Variants in TMEM14B observed in about 807,000 individuals in gnomAD.
TMEM14B encodes transmembrane protein 14B.
In TMEM14B, 9 loss-of-function variants were observed where a neutral mutation model predicts 14.8. The ratio of observed to expected loss-of-function variants is 0.61; its 90% CI spans 0.37 to 1.06. The LOEUF (loss-of-function observed/expected upper bound fraction) is 1.06, where lower values mean the gene tolerates loss of function less well. Ranked by LOEUF, TMEM14B falls within the 50% of genes least tolerant of loss-of-function variation. The probability of loss-of-function intolerance (pLI) is 0.01; values close to 1 mark genes in which losing one functional copy is unlikely to be tolerated. For missense variants in TMEM14B, 128 were observed against 143.6 expected, an observed-to-expected ratio of 0.89 and a Z score of 0.56; for synonymous variants, 40 against 51.3, an observed-to-expected ratio of 0.78 and a Z score of 0.94.
At position 10,755,199 on chromosome 6, in the gene TMEM14B, A is replaced by G. The variant is rs759803413; in HGVS notation, c.260A>G (p.Lys87Arg). ...VMGMRSYYYG[K>R]FMPVGLIAGA... is the part of the protein sequence containing the mutation. ...GGAATGAGATCCTACTACTATGGAA[A>G]ATTCATGCCTGTAGGTTTAATTGCA... Residue 87 changes from lysine to arginine, a missense_variant, in exon 5 of 6, where the codon AAA becomes AGA. Transcript: ENST00000379542. The G allele has an allele frequency of 1.2e-6, 2 of 1,614,200 alleles. No individual in the cohort carries two copies. The highest frequency in any genetic ancestry group is 1.1e-5 in the South Asian group (1 of 91,080).
intron 3 of TMEM14B, among the ~76,000 whole-genome samples, chr6:10,750,633 C>T (rs1771513488): frequency 6.6e-6 from 1 of 151,950 alleles, no homozygotes; most frequent in Non-Finnish European, 1.5e-5. Flanking sequence ...GCCACAGTAT[C>T]TTATCAGTTA....
In TMEM14B at chr6:10,756,843, C is replaced by T; in HGVS notation, c.*325C>T. ...ATTGAGAACCCTGAAACCCCATTCC[C>T]TGCTCAGAGGAACAGTGTGAAAAAA... is the stretch of plus-strand genomic sequence containing the variant. On this transcript the variant is annotated 3_prime_UTR_variant, in exon 6 of 6. Coordinates refer to ENST00000379542, the MANE Select transcript of TMEM14B (RefSeq NM_030969.5). The T allele has an allele frequency of 3.0e-6, 3 of 1,008,106 alleles. No individual in the cohort carries two copies. Among genetic ancestry groups the T allele is most frequent in the Middle Eastern group, 4.9e-4 (1 of 2,022 alleles). 62.4% of individuals were successfully genotyped at this position (1,008,106 alleles called of 1,614,324 possible).
At chr6:10,758,746 T>C (rs78697343), downstream of TMEM14B, among the ~76,000 whole-genome samples, 4,513 of 152,188 alleles carry the variant, frequency 0.03, 235 homozygotes, top group African/African-American at 0.1. Context: ...GTCTTGTCAG[T>C]TGATGCATGA....
chr6:10,752,145 C>T (rs1416463723), intron 4 of TMEM14B, among the ~76,000 whole-genome samples: 1 of 152,018 alleles, frequency 6.6e-6, no homozygotes, highest in African/African-American at 2.4e-5. Context: ...TCCAGAATGA[C>T]TTGAGCCTGC....
downstream of TMEM14B, among the ~76,000 whole-genome samples, chr6:10,758,647 A>G (rs532343285): frequency 2.0e-5 from 3 of 151,872 alleles, no homozygotes; most frequent in East Asian, 6.0e-4. Context: ...AGGTAGATCC[A>G]TATTACTGTG....
downstream of TMEM14B, chr6:10,759,675 G>A (rs1324227461): frequency 6.6e-6 from 1 of 152,148 alleles, no homozygotes; most frequent in Non-Finnish European, 1.5e-5. Context: ...GGCCATCTGT[G>A]TCCCAGCTGT....
rs762859199 is a variant in TMEM14B at position 10,751,251 on chromosome 6, G to A, written c.202+17G>A. 161 of 1,612,942 alleles carry A rather than the reference G, an allele frequency of 1.0e-4. No individual in the cohort carries two copies. Among genetic ancestry groups the A allele is most frequent in the Admixed American group, 1.0e-4 (6 of 59,936 alleles). On this transcript the variant is annotated intron_variant, in intron 4 of 5. Transcript: ENST00000379542. ...GTTTCCTAGGTATGTCTGCTTCAGC[G>A]TCTCCTTAGGGCAATCATGTATCTG... is the stretch of plus-strand genomic sequence containing the variant.
chr6:10,751,219 G>A lies in TMEM14B; in HGVS notation c.187G>A (p.Val63Ile), dbSNP rs151307186. 7.8e-5 allele frequency: 126 copies of A among 1,613,884 alleles called. No homozygotes were observed. The African/African-American group carries it at 1.3e-3, about 17-fold the overall frequency. The stretch of plus-strand genomic sequence containing the variant: ...CCAGCTGTATCAGGATCCAAGGAAC[G>A]TTTGGGGTTTCCTAGGTATGTCTGC... ...AYQLYQDPRN[V>I]WGFLAATSVT... is the part of the protein sequence containing the mutation. The change falls in exon 4 of 6, where the codon GTT (valine) becomes ATT (isoleucine). Residue 63 changes from valine (V) to isoleucine (I), a missense_variant. Val to Ile is a conservative substitution (Grantham distance 29, BLOSUM62 3). Coordinates refer to ENST00000379542, the MANE Select transcript of TMEM14B (RefSeq NM_030969.5).
intron 5 of TMEM14B, chr6:10,755,579 A>C: frequency 7.9e-7 from 1 of 1,261,006 alleles, no homozygotes; most frequent in African/African-American, 1.5e-5. Flanking sequence ...TTTTGTAGAA[A>C]ATTTTGCTAA....
chr6:10,756,675 T>C lies in TMEM14B; in HGVS notation c.*157T>C. ...ATTTGGCGGAGGGGTGGAAAATCAG[T>C]TGTTACCATTATAACCCTACAGAGG... is the stretch of plus-strand genomic sequence containing the variant. On this transcript the variant is annotated 3_prime_UTR_variant, in exon 6 of 6. Coordinates refer to ENST00000379542, the MANE Select transcript of TMEM14B (RefSeq NM_030969.5). 1.4e-6 allele frequency: 2 copies of C among 1,398,528 alleles called. No individual in the cohort carries two copies. Among genetic ancestry groups the C allele is most frequent in the Non-Finnish European group, 1.9e-6 (2 of 1,077,544 alleles). The allele number at this position is 1,398,528 out of a possible 1,614,324, so 86.6% of individuals were successfully genotyped here. A position where few individuals can be genotyped will look rare whatever the true frequency, so the allele number is the denominator to read the frequency against.
At chr6:10,754,280 A>G (rs1207402848) in intron 4 of TMEM14B, among the ~76,000 whole-genome samples, 1 of 152,196 alleles carries the variant, frequency 6.6e-6, no homozygotes, top group Non-Finnish European at 1.5e-5. Context: ...ATCCTTTAAT[A>G]GCTTCTCATT....
intron 4 of TMEM14B, 106 bp downstream of exon 4, chr6:10,751,340 C>T (rs980294264): frequency 1.6e-5 from 21 of 1,291,492 alleles, no homozygotes; most frequent in East Asian, 7.1e-5. Context: ...ACTTAATTTA[C>T]GACAGTTTCA....
intron 4 of TMEM14B, among the ~76,000 whole-genome samples, chr6:10,753,995 C>A (rs373031832): frequency 6.6e-6 from 1 of 152,110 alleles, no homozygotes; most frequent in Non-Finnish European, 1.5e-5. Context: ...AACTCTGGGC[C>A]GGTTGCGGTG....
At chr6:10,748,814 C>T (rs1185961039) in intron 1 of TMEM14B, among the ~76,000 whole-genome samples, 1 of 152,106 alleles carries the variant, frequency 6.6e-6, no homozygotes, top group African/African-American at 2.4e-5. Flanking sequence ...AAGCAACATC[C>T]CTACCACCCC....
At chr6:10,755,328 T>C in intron 5 of TMEM14B, 96 bp downstream of exon 5, 1 of 1,588,224 alleles carries the variant, frequency 6.3e-7, no homozygotes, top group Non-Finnish European at 8.6e-7. Context: ...TCAGAGTATC[T>C]GATGCTATGC....
downstream of TMEM14B, among the ~76,000 whole-genome samples, chr6:10,757,562 T>A (rs1456840206): frequency 6.6e-6 from 1 of 152,200 alleles, no homozygotes; most frequent in Non-Finnish European, 1.5e-5. Flanking sequence ...ATCTAGAGCT[T>A]GAATCACCTA....
At chr6:10,751,093 G>A (rs371666146) in intron 3 of TMEM14B, 40 bp from the exon 4 acceptor site, 28 of 1,610,798 alleles carry the variant, frequency 1.7e-5, no homozygotes, top group East Asian at 1.3e-4. Flanking sequence ...TGAAATAAGT[G>A]CCTGACATTA....
downstream of TMEM14B, among the ~76,000 whole-genome samples, chr6:10,758,498 G>A (rs909557422): frequency 1.5e-4 from 23 of 152,352 alleles, no homozygotes; most frequent in African/African-American, 5.1e-4. Flanking sequence ...TCTCTGCAAA[G>A]ATCCCTGAGT....
At chr6:10,750,576 T>A (rs532985349) in intron 3 of TMEM14B, among the ~76,000 whole-genome samples, 1 of 152,156 alleles carries the variant, frequency 6.6e-6, no homozygotes, top group Admixed American at 6.5e-5. Context: ...CGCGGGGCTT[T>A]GGGCATTATC....
Sources: gnomAD v4.1 joint callset for allele counts (sites outside exome capture counted in the v4.1 genomes callset) on GRCh38, gnomAD v4.1.1 for gene constraint, MANE v1.5 for transcripts, NCBI Gene and HGNC (gene_info 2026-07-23, HGNC 2026-07-21) for gene names.